Variants in SLC29A3 observed in about 807,000 individuals in gnomAD.
SLC29A3 encodes the protein equilibrative nucleoside transporter 3.
In SLC29A3, 18 loss-of-function variants were observed where a neutral mutation model predicts 25.4. The ratio of observed to expected loss-of-function variants is 0.71; its 90% CI spans 0.49 to 1.05. The LOEUF is 1.05. SLC29A3 is among the 50% of genes least tolerant of loss of function. The probability of loss-of-function intolerance (pLI) is 0.00; values close to 1 mark genes in which losing one functional copy is unlikely to be tolerated. For missense variants in SLC29A3, 586 were observed against 609.0 expected, an observed-to-expected ratio of 0.96 and a Z score of 0.40; for synonymous variants, 258 against 267.1, an observed-to-expected ratio of 0.97 and a Z score of 0.33.
chr10:71,359,108 C>T (rs1846989591), intron 5 of SLC29A3, among the ~76,000 whole-genome samples: 2 of 152,074 alleles, frequency 1.3e-5, no homozygotes, highest in African/African-American at 4.8e-5. Flanking sequence ...AGAGTTTCAC[C>T]GTGTTGGCCA....
chr10:71,372,081 A>C (rs1847215734), intron 3 of SLC29A3, among the ~76,000 whole-genome samples: 1 of 152,228 alleles, frequency 6.6e-6, no homozygotes, highest in Non-Finnish European at 1.5e-5. Flanking sequence ...AGAACCAGTC[A>C]TCGGTCACAG....
chr10:71,332,152 CTTT>C (rs10716665), intron 2 of SLC29A3, among the ~76,000 whole-genome samples: 3 of 135,238 alleles, frequency 2.2e-5, no homozygotes, highest in Admixed American at 1.5e-4. Context: ...TCTTTTTTTT[CTTT>C]TTTTTTTTTT....
rs931300789 is a variant in SLC29A3 at position 71,344,394 on chromosome 10, G to T, written c.383+103G>T. On this transcript the variant is annotated intron_variant, in intron 3 of 5. Transcript: ENST00000373189. ...TTTTTTTCTGCCTACTTAAGTGGTG[G>T]TCACCAAAGTAGGATGCAGCAGCTC... The T allele has an allele frequency of 3.5e-6, 3 of 853,598 alleles. No homozygotes were observed. In the African/African-American group the frequency reaches 4.9e-5, roughly 14 times the overall value. 52.9% of individuals were successfully genotyped at this position (853,598 alleles called of 1,614,324 possible).
rs530248456 is a variant in SLC29A3, at chr10:71,370,428, G to C, written c.*95-5267G>C. ...GGCTACTGTAAACCAGCTGGCACCAGGCCTGTGCTGACCAGCAGTTTCTAA... is the reference window on the plus strand; with the variant it reads ...GGCTACTGTAAACCAGCTGGCACCACGCCTGTGCTGACCAGCAGTTTCTAA... On this transcript the variant is annotated intron_variant and NMD_transcript_variant, in intron 3 of 4. Coordinates refer to the SLC29A3 transcript ENST00000642772. Among the ~76,000 whole-genome samples, 11 of 152,344 alleles carry C rather than the reference G, an allele frequency of 7.2e-5. No individual in the cohort carries two copies. In the East Asian group the frequency reaches 1.9e-3, roughly 27 times the overall value.
intron 2 of SLC29A3, among the ~76,000 whole-genome samples, chr10:71,334,191 G>A (rs1014732586): frequency 1.3e-5 from 2 of 152,190 alleles, no homozygotes; most frequent in Admixed American, 6.5e-5. Context: ...AACTTTTCCC[G>A]CAAAGGGCCA....
chr10:71,378,107 TC>T (rs1435528058), intron 4 of SLC29A3, among the ~76,000 whole-genome samples: 1 of 91,120 alleles, frequency 1.1e-5, no homozygotes, highest in African/African-American at 4.0e-5. Flanking sequence ...GGGGGGGGGG[TC>T]CTCTTTTGGA....
chr10:71,355,155 G>A (rs1224688296), intron 4 of SLC29A3, among the ~76,000 whole-genome samples: 1 of 152,218 alleles, frequency 6.6e-6, no homozygotes, highest in Non-Finnish European at 1.5e-5. Flanking sequence ...CACAGGGCAG[G>A]GGTTGTTATT....
At chr10:71,344,085 G>A (rs1465904218) in intron 2 of SLC29A3, 124 bp from the exon 3 acceptor site, 23 of 816,800 alleles carry the variant, frequency 2.8e-5, no homozygotes, top group Non-Finnish European at 4.4e-5. Context: ...CTCACCCACG[G>A]CTCCTGGGTG....
At chr10:71,343,063 C>G (rs906967783) in intron 2 of SLC29A3, among the ~76,000 whole-genome samples, 3 of 152,208 alleles carry the variant, frequency 2.0e-5, no homozygotes, top group African/African-American at 4.8e-5. Flanking sequence ...GCCTCGAACT[C>G]CTTGCTCCAG....
At chr10:71,380,298 A>G (rs10823726) in exon 5 of SLC29A3, 65,656 of 152,136 alleles carry the variant, frequency 0.43, 17,626 homozygotes, top group Non-Finnish European at 0.59. Flanking sequence ...GGCTGTGTTA[A>G]CAGGTCGGGG....
intron 2 of SLC29A3, among the ~76,000 whole-genome samples, 177 bp from the exon 3 acceptor site, chr10:71,344,032 G>A (rs1249268689): frequency 2.6e-5 from 4 of 152,170 alleles, no homozygotes; most frequent in Admixed American, 6.5e-5. Flanking sequence ...CTGAGTGAGC[G>A]GTCTTAGGCT....
At chr10:71,327,495 G>A (rs1845999400) in intron 2 of SLC29A3, among the ~76,000 whole-genome samples, 2 of 152,196 alleles carry the variant, frequency 1.3e-5, no homozygotes, top group African/African-American at 4.8e-5. Context: ...CAGGGGTATT[G>A]CATGTGTTGT....
At chr10:71,342,398 A>G (rs933927792) in intron 2 of SLC29A3, among the ~76,000 whole-genome samples, 1 of 152,250 alleles carries the variant, frequency 6.6e-6, no homozygotes, top group Non-Finnish European at 1.5e-5. Context: ...GACAACAGAA[A>G]GAGACTCAGA....
intron 2 of SLC29A3, among the ~76,000 whole-genome samples, chr10:71,336,957 G>A (rs962649463): frequency 2.0e-5 from 3 of 152,160 alleles, no homozygotes; most frequent in African/African-American, 4.8e-5. Flanking sequence ...AAGGAGGGAC[G>A]GTTGCATGCA....
At chr10:71,381,117 C>A (rs532294081) in exon 5 of SLC29A3, 1 of 152,308 alleles carries the variant, frequency 6.6e-6, no homozygotes, top group African/African-American at 2.4e-5. Flanking sequence ...TAAAACATAA[C>A]CACAAATACA....
At chr10:71,373,542 TA>T (rs747364455) in intron 3 of SLC29A3, among the ~76,000 whole-genome samples, 3 of 152,224 alleles carry the variant, frequency 2.0e-5, no homozygotes, top group African/African-American at 7.2e-5. Context: ...AAAATGGAGA[TA>T]TTAATCCTGC....
intron 3 of SLC29A3, among the ~76,000 whole-genome samples, chr10:71,349,826 C>T (rs59962886): frequency 0.019 from 2,903 of 152,288 alleles, 97 homozygotes; most frequent in African/African-American, 0.066. Flanking sequence ...TCCTCCCATT[C>T]GTCGTTACCA....
At chr10:71,329,489 C>G (rs1047651924) in intron 2 of SLC29A3, among the ~76,000 whole-genome samples, 1 of 151,694 alleles carries the variant, frequency 6.6e-6, no homozygotes, top group Non-Finnish European at 1.5e-5. Flanking sequence ...GAAAATACCC[C>G]ACATCCCACG....
chr10:71,361,867 AG>A (rs1349011895), intron 5 of SLC29A3, 86 bp from the exon 6 acceptor site: 1 of 1,507,586 alleles, frequency 6.6e-7, no homozygotes, highest in Non-Finnish European at 9.1e-7. Flanking sequence ...CTGGGCTGGA[AG>A]GTTCTGTTCT....
Sources: gnomAD v4.1 joint callset for allele counts (sites outside exome capture counted in the v4.1 genomes callset) on GRCh38, gnomAD v4.1.1 for gene constraint, MANE v1.5 for transcripts, NCBI Gene and HGNC (gene_info 2026-07-23, HGNC 2026-07-21) for gene names.